DISC1: variants seen among roughly 807,000 people sequenced by gnomAD.
DISC1 encodes the protein disrupted in schizophrenia 1 protein.
Under a neutral mutation model 84.5 loss-of-function variants are expected in DISC1, and 57 were observed. The observed-to-expected ratio is 0.67, with a 90% CI of 0.55 to 0.84. The LOEUF (loss-of-function observed/expected upper bound fraction) is 0.84, where lower values mean the gene tolerates loss of function less well. DISC1 is among the 40% of genes least tolerant of loss of function. The pLI is 0.00. For synonymous variants in DISC1, 411 were observed against 415.2 expected, an observed-to-expected ratio of 0.99 and a Z score of 0.12; for missense variants, 1,000 against 1,057.8, an observed-to-expected ratio of 0.95 and a Z score of 0.76.
intron 11 of DISC1, among the ~76,000 whole-genome samples, chr1:232,020,807 C>A (rs1431250844): frequency 6.6e-6 from 1 of 152,196 alleles, no homozygotes; most frequent in East Asian, 1.9e-4. Flanking sequence ...TCTATGAAGG[C>A]TTAGCAAATA....
intron 9 of DISC1, among the ~76,000 whole-genome samples, chr1:231,912,637 C>T (rs1041524648): frequency 1.3e-5 from 2 of 152,192 alleles, no homozygotes; most frequent in Admixed American, 1.3e-4. Context: ...CAGGGACCCA[C>T]TTGAGGAGGC....
intron 10 of DISC1, among the ~76,000 whole-genome samples, chr1:231,996,216 T>A (rs541016193): frequency 4.9e-4 from 74 of 152,254 alleles, no homozygotes; most frequent in African/African-American, 1.7e-3. Context: ...AATTTGTTTG[T>A]GTTCATTGTA....
At chr1:231,664,529 G>C (rs1050279430) in intron 1 of DISC1, among the ~76,000 whole-genome samples, 1 of 152,126 alleles carries the variant, frequency 6.6e-6, no homozygotes, top group Non-Finnish European at 1.5e-5. Context: ...TGTAATCATA[G>C]GGTGCTCATA....
chr1:231,771,123 A>G lies in DISC1; in HGVS notation c.1634+53A>G, dbSNP rs1415718040. 4 of 1,495,984 alleles carry G rather than the reference A, an allele frequency of 2.7e-6. No homozygotes were observed. The African/African-American group carries it at 5.6e-5, about 21-fold the overall frequency. The allele number at this position is 1,495,984 out of a possible 1,614,324, so 92.7% of individuals were successfully genotyped here. A position where few individuals can be genotyped will look rare whatever the true frequency, so the allele number is the denominator to read the frequency against. Reference sequence around the variant, plus strand: ...GGTCGCTCGCCTCTTTGACCTGTTCATTGGAATGATTTTGTCTGCTGTCTT... The same window carrying G: ...GGTCGCTCGCCTCTTTGACCTGTTCGTTGGAATGATTTTGTCTGCTGTCTT... On this transcript the variant is annotated intron_variant, in intron 6 of 12. Coordinates refer to ENST00000439617, the MANE Select transcript of DISC1 (RefSeq NM_018662.3).
intron 10 of DISC1, among the ~76,000 whole-genome samples, chr1:231,965,076 A>G (rs1286021957): frequency 6.6e-6 from 1 of 152,222 alleles, no homozygotes; most frequent in Non-Finnish European, 1.5e-5. Context: ...TATTGAGGCA[A>G]ACTCAGGTGG....
chr1:231,855,986 G>A (rs1452030039), intron 9 of DISC1, among the ~76,000 whole-genome samples: 3 of 152,188 alleles, frequency 2.0e-5, no homozygotes, highest in African/African-American at 4.8e-5. Flanking sequence ...GCCACTCTCT[G>A]GGTGACTATC....
intron 10 of DISC1, among the ~76,000 whole-genome samples, chr1:231,970,076 T>G (rs1204182059): frequency 6.6e-6 from 1 of 152,176 alleles, no homozygotes; most frequent in Non-Finnish European, 1.5e-5. Flanking sequence ...GCATGTGTCT[T>G]TATAGCAGCA....
rs1449558375 is a variant in DISC1, at chr1:231,771,063, A to T, written c.1627A>T (p.Ile543Leu). The change falls in exon 6 of 13, where the codon ATA becomes TTA. Residue 543 changes from isoleucine (I) to leucine (L), a missense_variant. Transcript: ENST00000439617. ...CTTCCATGCAGAGCCACCGGAAACC[A>T]TAAGGAGGTACTGCTGATTTCCTAA... ...IPFHAEPPET[I>L]RSLQERIKSL... 2 of 1,594,172 alleles carry T rather than the reference A, an allele frequency of 1.3e-6. No homozygotes were observed. The highest frequency in any genetic ancestry group is 1.7e-6 in the Non-Finnish European group (2 of 1,168,784).
chr1:231,702,024 G>A lies in DISC1; in HGVS notation c.1117G>A (p.Ala373Thr), dbSNP rs2066487693. The A allele has an allele frequency of 6.2e-7, 1 of 1,602,550 alleles. No individual in the cohort carries two copies. Among genetic ancestry groups the A allele is most frequent in the Non-Finnish European group, 8.5e-7 (1 of 1,176,264 alleles). The change falls in exon 3 of 13, where the codon GCT becomes ACT. Residue 373 changes from alanine (A) to threonine (T), a missense_variant and splice_region_variant. Transcript: ENST00000439617. Reference protein sequence around the residue: ...DAVENDDYDKAETLQQRLEDL... With the variant: ...DAVENDDYDKTETLQQRLEDL... ...AGTTGAGAATGATGATTATGATAAA[G>A]GTGAGTTTTAATTTGTTTATTGATT...
chr1:231,720,017 T>C (rs894612125), intron 3 of DISC1, among the ~76,000 whole-genome samples: 1 of 152,182 alleles, frequency 6.6e-6, no homozygotes, highest in African/African-American at 2.4e-5. Context: ...TAAGTTGCAA[T>C]TGACAGGCTT....
intron 1 of DISC1, among the ~76,000 whole-genome samples, chr1:231,647,914 C>G (rs1309883432): frequency 2.0e-5 from 3 of 152,126 alleles, no homozygotes; most frequent in Non-Finnish European, 2.9e-5. Context: ...GATTTTGTAT[C>G]CTGAGACATT....
At chr1:231,852,514 G>A (rs2083967716) in intron 9 of DISC1, among the ~76,000 whole-genome samples, 1 of 152,210 alleles carries the variant, frequency 6.6e-6, no homozygotes, top group Admixed American at 6.5e-5. Context: ...CCAAGAGACA[G>A]TCAGGATCAT....
chr1:231,719,265 G>A (rs1223001876), intron 3 of DISC1, among the ~76,000 whole-genome samples: 1 of 152,200 alleles, frequency 6.6e-6, no homozygotes, highest in East Asian at 1.9e-4. Flanking sequence ...GAAAGAAAGA[G>A]ACCCTATTCA....
At chr1:231,862,392 A>G (rs1190933634) in intron 9 of DISC1, among the ~76,000 whole-genome samples, 1 of 152,188 alleles carries the variant, frequency 6.6e-6, no homozygotes. Context: ...AAAGAAGTAT[A>G]CTCAAGAAAT....
At chr1:231,654,057 A>T (rs575367301) in intron 1 of DISC1, among the ~76,000 whole-genome samples, 1 of 152,020 alleles carries the variant, frequency 6.6e-6, no homozygotes, top group East Asian at 1.9e-4. Flanking sequence ...AGAAAAGGCA[A>T]TCTCTTCTCA....
At chr1:231,705,290 T>G (rs540400349) in intron 3 of DISC1, among the ~76,000 whole-genome samples, 5 of 17,530 alleles carry the variant, frequency 2.9e-4, no homozygotes, top group Admixed American at 2.7e-3. Context: ...AGACTCCATC[T>G]CAAAAAAAAA....
intron 6 of DISC1, among the ~76,000 whole-genome samples, chr1:231,773,438 G>A (rs2076705976): frequency 6.6e-6 from 1 of 152,198 alleles, no homozygotes; most frequent in South Asian, 2.1e-4. Context: ...AGGCTGGAGT[G>A]CAGTGGTGCG....
At chr1:231,916,138 A>G (rs1442941694) in intron 9 of DISC1, among the ~76,000 whole-genome samples, 1 of 152,204 alleles carries the variant, frequency 6.6e-6, no homozygotes, top group Non-Finnish European at 1.5e-5. Flanking sequence ...GACAGTTTGT[A>G]AATGGAAGTT....
At chr1:231,783,181 G>A (rs931086021) in intron 6 of DISC1, among the ~76,000 whole-genome samples, 1 of 152,080 alleles carries the variant, frequency 6.6e-6, no homozygotes, top group Admixed American at 6.5e-5. Context: ...TGAGTTTTTG[G>A]GGGTGGGGGA....
Sources: gnomAD v4.1 joint callset for allele counts (sites outside exome capture counted in the v4.1 genomes callset) on GRCh38, gnomAD v4.1.1 for gene constraint, MANE v1.5 for transcripts, NCBI Gene and HGNC (gene_info 2026-07-23, HGNC 2026-07-21) for gene names.